The following CHST9 variants were observed in gnomAD, a reference collection of about 807,000 sequenced individuals.
The protein encoded by CHST9 is GalNAc-4-sulfotransferase 2.
In CHST9, 41 loss-of-function variants were observed where a neutral mutation model predicts 44.4. The ratio of observed to expected loss-of-function variants is 0.92; its 90% CI spans 0.72 to 1.20. The LOEUF is 1.20. Among genes scored for constraint, CHST9 ranks in the 50% most tolerant of loss-of-function variants. The pLI, the probability that CHST9 is intolerant of heterozygous loss-of-function variation, is 0.00. For synonymous variants in CHST9, 171 were observed against 178.4 expected (o/e 0.96, Z 0.33); for missense variants, 504 against 516.5 (o/e 0.98, Z 0.23).
chr18:27,142,684 G>A lies in CHST9; in HGVS notation c.121+5C>T, dbSNP rs749840862. ...TTAAAATAGAAGAAAAAGCACATGT[G>A]TTACCTGTATGTTGTTCTTCAATCC... On this transcript the variant is annotated splice_donor_5th_base_variant and intron_variant, in intron 2 of 5. Coordinates refer to ENST00000618847, the MANE Select transcript of CHST9 (RefSeq NM_031422.6). 3.0e-5 allele frequency: 47 copies of A among 1,582,918 alleles called. No individual in the cohort carries two copies. Among genetic ancestry groups the A allele is most frequent in the Non-Finnish European group, 3.9e-5 (46 of 1,167,550 alleles).
At chr18:26,998,333 C>T (rs191588012) in intron 4 of CHST9, among the ~76,000 whole-genome samples, 2 of 152,072 alleles carry the variant, frequency 1.3e-5, no homozygotes, top group African/African-American at 4.8e-5. Context: ...AGACACTAAA[C>T]AGATATTTAA....
At chr18:26,938,974 A>C (rs1161600715) in intron 5 of CHST9, among the ~76,000 whole-genome samples, 3 of 152,230 alleles carry the variant, frequency 2.0e-5, no homozygotes, top group East Asian at 3.9e-4. Context: ...AGCTACTAGA[A>C]TAAGAATTTA....
At chr18:26,978,242 C>T (rs1214378559) in intron 4 of CHST9, among the ~76,000 whole-genome samples, 1 of 150,912 alleles carries the variant, frequency 6.6e-6, no homozygotes, top group Non-Finnish European at 1.5e-5. Flanking sequence ...CCAACTAACC[C>T]GTTTCTTTTC....
chr18:27,168,258 T>C (rs986135336), intron 1 of CHST9, among the ~76,000 whole-genome samples: 69 of 152,060 alleles, frequency 4.5e-4, no homozygotes, highest in African/African-American at 1.6e-3. Flanking sequence ...GTATTTTTAG[T>C]AGAGACGGGG....
intron 2 of CHST9, among the ~76,000 whole-genome samples, chr18:27,060,130 T>C (rs2057704348): frequency 6.6e-6 from 1 of 152,194 alleles, no homozygotes; most frequent in South Asian, 2.1e-4. Flanking sequence ...GTGTCTATTA[T>C]GTGAGAGACA....
chr18:26,975,723 GTGTATATATATA>G (rs1349670320), intron 4 of CHST9, among the ~76,000 whole-genome samples: 89 of 59,336 alleles, frequency 1.5e-3, no homozygotes, highest in African/African-American at 2.8e-3. Flanking sequence ...GTGTGTGTGT[GTGTATATATATA>G]TATATATATA....
chr18:26,974,430 GAGA>G (rs2056591647), intron 4 of CHST9, among the ~76,000 whole-genome samples: 1 of 152,210 alleles, frequency 6.6e-6, no homozygotes, highest in Admixed American at 6.5e-5. Context: ...GAAGAGGGAA[GAGA>G]AGAATAAGAT....
At chr18:27,129,930 T>A (rs1316697889) in intron 2 of CHST9, among the ~76,000 whole-genome samples, 2 of 152,046 alleles carry the variant, frequency 1.3e-5, no homozygotes, top group African/African-American at 2.4e-5. Flanking sequence ...CAAACCAGTT[T>A]GGGAAATAAG....
chr18:27,138,994 T>C (rs1414345711), intron 2 of CHST9, among the ~76,000 whole-genome samples: 1 of 152,234 alleles, frequency 6.6e-6, no homozygotes, highest in Admixed American at 6.5e-5. Flanking sequence ...GATGGTATTA[T>C]GGAACTCTAT....
intron 2 of CHST9, among the ~76,000 whole-genome samples, chr18:27,067,245 ATCAT>A (rs1275616905): frequency 1.3e-5 from 2 of 151,984 alleles, no homozygotes; most frequent in Non-Finnish European, 2.9e-5. Context: ...TTTTTTGAAA[ATCAT>A]TCAGTTCAAT....
At chr18:27,068,064 A>G (rs945536688) in intron 2 of CHST9, among the ~76,000 whole-genome samples, 1 of 152,094 alleles carries the variant, frequency 6.6e-6, no homozygotes, top group African/African-American at 2.4e-5. Flanking sequence ...AAGGGAAAAT[A>G]AAGTGCTTAC....
intron 4 of CHST9, chr18:26,952,543 T>C (rs2056264175): frequency 2.2e-6 from 1 of 448,616 alleles, no homozygotes; most frequent in Non-Finnish European, 4.3e-6. Context: ...GGTGTATCTT[T>C]TACCACCTTG....
At chr18:27,093,510 C>T (rs1335147034) in intron 2 of CHST9, among the ~76,000 whole-genome samples, 3 of 152,222 alleles carry the variant, frequency 2.0e-5, no homozygotes, top group Non-Finnish European at 4.4e-5. Flanking sequence ...GACTGCTGCG[C>T]TAGCAGTGAG....
intron 4 of CHST9, among the ~76,000 whole-genome samples, chr18:26,973,947 A>G (rs1340776024): frequency 6.6e-6 from 1 of 152,184 alleles, no homozygotes; most frequent in Non-Finnish European, 1.5e-5. Flanking sequence ...ATAAAATCTT[A>G]TCATGAATCT....
intron 2 of CHST9, among the ~76,000 whole-genome samples, chr18:27,057,855 G>C (rs1376398405): frequency 6.6e-6 from 1 of 152,206 alleles, no homozygotes; most frequent in Admixed American, 6.5e-5. Flanking sequence ...AAATCAGTAT[G>C]AGAAACAACA....
chr18:27,020,727 A>G (rs1333929210), intron 4 of CHST9, among the ~76,000 whole-genome samples: 3 of 152,206 alleles, frequency 2.0e-5, no homozygotes, highest in African/African-American at 7.2e-5. Context: ...GATATAGCCT[A>G]TATTTCCTTT....
chr18:27,163,878 G>T (rs1383238130), intron 1 of CHST9, among the ~76,000 whole-genome samples: 1 of 152,174 alleles, frequency 6.6e-6, no homozygotes, highest in Non-Finnish European at 1.5e-5. Flanking sequence ...AGTTGGAAAT[G>T]CAGAAATCAC....
chr18:27,036,736 G>A (rs1290038983), intron 3 of CHST9, among the ~76,000 whole-genome samples: 3 of 152,128 alleles, frequency 2.0e-5, no homozygotes, highest in African/African-American at 7.2e-5. Context: ...CCTGCAATGA[G>A]CCAATCACTC....
intron 1 of CHST9, among the ~76,000 whole-genome samples, chr18:27,152,946 G>A (rs536495160): frequency 4.6e-5 from 7 of 152,208 alleles, no homozygotes; most frequent in Admixed American, 3.9e-4. Context: ...TTTAGTTGTC[G>A]TAATTAATCA....
Sources: allele counts gnomAD v4.1 joint callset (sites outside exome capture counted in the v4.1 genomes callset), GRCh38; gene constraint gnomAD v4.1.1; transcripts MANE v1.5; gene names NCBI Gene and HGNC (gene_info 2026-07-23, HGNC 2026-07-21).